The following SGSM1 variants were observed in gnomAD, a reference collection of about 807,000 sequenced individuals.
SGSM1 encodes small G protein signaling modulator 1, also known as RUN and TBC1 domain containing 2.
Under a neutral mutation model 133.8 loss-of-function variants are expected in SGSM1, and 73 were observed. That is an observed-to-expected ratio of 0.55 (90% CI 0.45 to 0.66). SGSM1 has a LOEUF of 0.66. Among genes scored for constraint, SGSM1 ranks in the 30% least tolerant of loss-of-function variants. The probability of loss-of-function intolerance (pLI) is 0.00; values close to 1 mark genes in which losing one functional copy is unlikely to be tolerated. For synonymous variants in SGSM1, 563 were observed against 573.0 expected, an observed-to-expected ratio of 0.98 and a Z score of 0.25; for missense variants, 1,213 against 1,448.1, an observed-to-expected ratio of 0.84 and a Z score of 2.64.
chr22:24,924,162 A>G (rs889874516), intron 24 of SGSM1, 24 bp from the exon 25 acceptor site: 13 of 1,611,796 alleles, frequency 8.1e-6, no homozygotes, highest in Non-Finnish European at 1.1e-5. Context: ...GAGGCTCATG[A>G]GATTTTTCTT....
intron 2 of SGSM1, among the ~76,000 whole-genome samples, chr22:24,828,620 T>C (rs1227486186): frequency 6.6e-6 from 1 of 152,174 alleles, no homozygotes; most frequent in Non-Finnish European, 1.5e-5. Flanking sequence ...GCTTACACAC[T>C]TTTGGTGGGA....
At chr22:24,841,082 C>T (rs1218092952) in intron 2 of SGSM1, among the ~76,000 whole-genome samples, 3 of 151,658 alleles carry the variant, frequency 2.0e-5, no homozygotes, top group Middle Eastern at 3.3e-3. Flanking sequence ...GATCTCCTGA[C>T]CTTGTGATCC....
intron 3 of SGSM1, among the ~76,000 whole-genome samples, chr22:24,845,715 T>C (rs1930055863): frequency 6.6e-6 from 1 of 152,148 alleles, no homozygotes; most frequent in African/African-American, 2.4e-5. Context: ...TCCAAATGGC[T>C]GGGGGCACCA....
chr22:24,851,444 T>TGG (rs1264899608), intron 5 of SGSM1, among the ~76,000 whole-genome samples: 23 of 29,838 alleles, frequency 7.7e-4, no homozygotes, highest in South Asian at 4.3e-3. Flanking sequence ...GAGGGGGGGG[T>TGG]GGGGGGAGAG....
Position 24,909,581 on chromosome 22 carries a change from A to C in SGSM1, c.2819-3062A>C, listed in dbSNP as rs547190379. On this transcript the variant is annotated intron_variant, in intron 21 of 24. Coordinates refer to ENST00000400358, the MANE Select transcript of SGSM1 (RefSeq NM_001098497.3). ...AGCAATTCTCCTGCCTCAGCCTCCC[A>C]AGTAGCTGGGATTACAGGCGCCCAC... 4.0e-3 allele frequency among the ~76,000 whole-genome samples: 613 copies of C among 151,982 alleles called. 1 individual carries two copies. The highest frequency in any genetic ancestry group is 0.014 in the African/African-American group (576 of 41,470).
At chr22:24,911,319 T>A (rs2123733332) in intron 21 of SGSM1, among the ~76,000 whole-genome samples, 1 of 143,310 alleles carries the variant, frequency 7.0e-6, no homozygotes, top group Middle Eastern at 3.8e-3. Flanking sequence ...GAGATGGAGT[T>A]TCACTCTTGT....
At chr22:24,823,218 G>A (rs1327938160) in intron 2 of SGSM1, among the ~76,000 whole-genome samples, 2 of 152,218 alleles carry the variant, frequency 1.3e-5, no homozygotes, top group Non-Finnish European at 2.9e-5. Flanking sequence ...CATGGTGCCA[G>A]GCACTCAGTA....
chr22:24,912,437 G>A (rs1933661901), intron 21 of SGSM1, among the ~76,000 whole-genome samples: 1 of 152,166 alleles, frequency 6.6e-6, no homozygotes, highest in Admixed American at 6.5e-5. Flanking sequence ...CCAGTACTTT[G>A]GGAGGCCAAG....
At position 24,924,711 on chromosome 22, in the gene SGSM1, C is replaced by A. The variant is rs186610875; in HGVS notation, c.*437C>A. On this transcript the variant is annotated 3_prime_UTR_variant, in exon 25 of 25. Transcript: ENST00000400358. Reference sequence around the variant, plus strand: ...TACCTCTATGCTCCTCTGCAAGGGGCCTTTGGCGATGTTCTGGACATGGCT... The same window carrying A: ...TACCTCTATGCTCCTCTGCAAGGGGACTTTGGCGATGTTCTGGACATGGCT... 1.2e-4 allele frequency: 22 copies of A among 179,812 alleles called. No homozygotes were observed. The highest frequency in any genetic ancestry group is 4.0e-4 in the African/African-American group (17 of 42,318). 11.1% of individuals were successfully genotyped at this position (179,812 alleles called of 1,614,324 possible).
chr22:24,841,052 G>T (rs2330933), intron 2 of SGSM1, among the ~76,000 whole-genome samples: 2 of 151,744 alleles, frequency 1.3e-5, no homozygotes, highest in African/African-American at 2.4e-5. Context: ...GGGTTTCACC[G>T]TGTTAGCCAA....
intron 2 of SGSM1, among the ~76,000 whole-genome samples, chr22:24,825,807 TC>T (rs1487567564): frequency 3.3e-5 from 5 of 152,144 alleles, no homozygotes; most frequent in Admixed American, 6.5e-5. Flanking sequence ...GCCAGTTTCT[TC>T]CGGAGGTAAG....
chr22:24,876,696 A>G lies in SGSM1; in HGVS notation c.1411A>G (p.Asn471Asp). 2 of 1,613,918 alleles carry G rather than the reference A, an allele frequency of 1.2e-6. No individual in the cohort carries two copies. Among genetic ancestry groups the G allele is most frequent in the Non-Finnish European group, 1.7e-6 (2 of 1,179,862 alleles). Residue 471 changes from asparagine (N) to aspartate (D), a missense_variant, in exon 13 of 25, where the codon AAT becomes GAT. By Grantham distance (23) the Asn-to-Asp change is conservative. Transcript: ENST00000400358. ...TGGCTCGGCTGATGGTAGCTCGACCAATGGCTGCAACCATGAGAGGTATGA... is the reference window on the plus strand; with the variant it reads ...TGGCTCGGCTGATGGTAGCTCGACCGATGGCTGCAACCATGAGAGGTATGA... ...QSGSADGSST[N>D]GCNHERAPLK...
At chr22:24,834,941 C>T (rs1305780267) in intron 2 of SGSM1, among the ~76,000 whole-genome samples, 3 of 151,924 alleles carry the variant, frequency 2.0e-5, no homozygotes, top group Admixed American at 6.6e-5. Flanking sequence ...ATTGTATTCG[C>T]GTGATGTTGT....
chr22:24,905,775 C>T (rs540891873), intron 21 of SGSM1, among the ~76,000 whole-genome samples: 12 of 136,808 alleles, frequency 8.8e-5, no homozygotes, highest in South Asian at 2.3e-4. Flanking sequence ...GGAGACACAG[C>T]AAGACTCTGT....
intron 21 of SGSM1, among the ~76,000 whole-genome samples, chr22:24,912,155 A>G (rs887766549): frequency 1.3e-5 from 2 of 152,058 alleles, no homozygotes; most frequent in African/African-American, 4.8e-5. Flanking sequence ...AACATAACCA[A>G]TTGATGTAAT....
chr22:24,888,373 A>G (rs1342379874), intron 16 of SGSM1, among the ~76,000 whole-genome samples: 1 of 152,042 alleles, frequency 6.6e-6, no homozygotes, highest in Non-Finnish European at 1.5e-5. Context: ...ACAGTGTGTC[A>G]TTTAGGTCAA....
intron 2 of SGSM1, among the ~76,000 whole-genome samples, chr22:24,833,187 G>C (rs746032212): frequency 1.3e-5 from 2 of 151,038 alleles, no homozygotes; most frequent in African/African-American, 4.9e-5. Flanking sequence ...TACCCTCCTC[G>C]GCCTCCCAAA....
intron 23 of SGSM1, 151 bp from the exon 24 acceptor site, chr22:24,919,675 C>T (rs5760731): frequency 0.24 from 172,905 of 730,462 alleles, 22,774 homozygotes; most frequent in East Asian, 0.48. Flanking sequence ...GGTCTCCTGC[C>T]TTCTGACCTG....
chr22:24,859,700 C>T lies in SGSM1; in HGVS notation c.802-16C>T. ...TCCAGCACCATGGCCAGACCTGAGT[C>T]CTCCTCTCTCTGCAGAGGGACGACA... On this transcript the variant is annotated splice_polypyrimidine_tract_variant and intron_variant, in intron 8 of 24. Coordinates refer to ENST00000400358, the MANE Select transcript of SGSM1 (RefSeq NM_001098497.3). 7 of 1,613,510 alleles carry T rather than the reference C, an allele frequency of 4.3e-6. No individual in the cohort carries two copies. Among genetic ancestry groups the T allele is most frequent in the Non-Finnish European group, 5.9e-6 (7 of 1,179,800 alleles).
Sources: allele counts gnomAD v4.1 joint callset (sites outside exome capture counted in the v4.1 genomes callset), GRCh38; gene constraint gnomAD v4.1.1; transcripts MANE v1.5; gene names NCBI Gene and HGNC (gene_info 2026-07-23, HGNC 2026-07-21).